The following DENND1B variants were observed in gnomAD, a reference collection of about 807,000 sequenced individuals.
DENND1B encodes DENN domain containing 1B.
DENND1B carries 59 observed loss-of-function variants against 90.1 expected under a neutral mutation model. The observed-to-expected ratio is 0.65, with a 90% CI of 0.53 to 0.81. DENND1B has a LOEUF of 0.81. Ranked by LOEUF, DENND1B falls within the 40% of genes least tolerant of loss-of-function variation. The probability of loss-of-function intolerance (pLI) is 0.00; values close to 1 mark genes in which losing one functional copy is unlikely to be tolerated. For synonymous variants in DENND1B, 337 were observed against 324.6 expected, an observed-to-expected ratio of 1.04 and a Z score of -0.41; for missense variants, 862 against 912.6, an observed-to-expected ratio of 0.94 and a Z score of 0.71.
chr1:197,546,358 G>C (rs1670817507), intron 17 of DENND1B, among the ~76,000 whole-genome samples: 1 of 152,068 alleles, frequency 6.6e-6, no homozygotes, highest in African/African-American at 2.4e-5. Context: ...GTCTCAGTCT[G>C]GGGGAGAAAG....
chr1:197,591,069 C>G (rs1054298001), intron 14 of DENND1B, among the ~76,000 whole-genome samples: 2 of 152,086 alleles, frequency 1.3e-5, no homozygotes, highest in African/African-American at 2.4e-5. Flanking sequence ...GAATCCTAAC[C>G]CTTTTTGGTT....
chr1:197,627,710 A>G (rs1200522865), intron 10 of DENND1B, among the ~76,000 whole-genome samples: 1 of 152,110 alleles, frequency 6.6e-6, no homozygotes, highest in African/African-American at 2.4e-5. Flanking sequence ...AATAAAGGGT[A>G]TTCAATTAGG....
At chr1:197,578,781 A>ATACCTATG (rs960156954) in intron 15 of DENND1B, among the ~76,000 whole-genome samples, 5 of 152,178 alleles carry the variant, frequency 3.3e-5, no homozygotes, top group Admixed American at 2.6e-4. Flanking sequence ...GTCTTTCCTT[A>ATACCTATG]TACCTATGTA....
intron 15 of DENND1B, among the ~76,000 whole-genome samples, chr1:197,578,882 G>C (rs1198867408): frequency 2.0e-5 from 3 of 151,362 alleles, no homozygotes; most frequent in Non-Finnish European, 4.4e-5. Flanking sequence ...TCCCTAGTTA[G>C]CCTCACATAG....
intron 10 of DENND1B, among the ~76,000 whole-genome samples, 167 bp from the exon 11 acceptor site, chr1:197,617,926 G>A (rs1331032271): frequency 6.6e-6 from 1 of 151,052 alleles, no homozygotes; most frequent in Admixed American, 6.6e-5. Flanking sequence ...CATCTCAGAG[G>A]CCCCTCTGAA....
chr1:197,680,351 A>G (rs1656554815), intron 3 of DENND1B, among the ~76,000 whole-genome samples: 2 of 152,252 alleles, frequency 1.3e-5, no homozygotes, highest in African/African-American at 4.8e-5. Flanking sequence ...AGATCATAAA[A>G]TAGAACACTC....
intron 16 of DENND1B, 32 bp downstream of exon 16, chr1:197,552,990 A>C: frequency 6.4e-7 from 1 of 1,562,252 alleles, no homozygotes. Flanking sequence ...GTTATTGAGA[A>C]AATGGATAAT....
intron 18 of DENND1B, among the ~76,000 whole-genome samples, chr1:197,542,842 G>C (rs140430002): frequency 6.6e-6 from 1 of 152,218 alleles, no homozygotes; most frequent in African/African-American, 2.4e-5. Context: ...TGATAAAAAA[G>C]TGATTAGGTA....
chr1:197,536,144 G>T (rs1041002899), intron 20 of DENND1B, among the ~76,000 whole-genome samples: 52 of 123,026 alleles, frequency 4.2e-4, no homozygotes, highest in African/African-American at 1.6e-3. Context: ...GAGATTGAGA[G>T]AGAGAGAGAG....
Position 197,510,367 on chromosome 1 carries a change from A to G in DENND1B, c.*93T>C, listed in dbSNP as rs930031363. 1.9e-5 allele frequency: 27 copies of G among 1,385,928 alleles called. No homozygotes were observed. The highest frequency in any genetic ancestry group is 2.3e-5 in the Non-Finnish European group (24 of 1,044,432). The allele number at this position is 1,385,928 out of a possible 1,614,324, so 85.9% of individuals were successfully genotyped here. A position where few individuals can be genotyped will look rare whatever the true frequency, so the allele number is the denominator to read the frequency against. ...GTTGCAAATGCAAAAAAAAATTTAA[A>G]TAGTATGAGTTGCCATTCCTACAAA... On this transcript the variant is annotated 3_prime_UTR_variant, in exon 23 of 23. Coordinates refer to ENST00000620048, the MANE Select transcript of DENND1B (RefSeq NM_001195215.2).
chr1:197,727,885 A>G (rs1308402759), intron 2 of DENND1B, among the ~76,000 whole-genome samples: 1 of 152,160 alleles, frequency 6.6e-6, no homozygotes, highest in East Asian at 1.9e-4. Flanking sequence ...CTTCCCTCCT[A>G]AAGTGTAAAC....
chr1:197,541,561 C>T (rs531820314), intron 18 of DENND1B, among the ~76,000 whole-genome samples: 5 of 152,288 alleles, frequency 3.3e-5, no homozygotes, highest in Admixed American at 2.0e-4. Flanking sequence ...TCACAGGGAA[C>T]CTGGCCCCAG....
intron 10 of DENND1B, among the ~76,000 whole-genome samples, chr1:197,639,020 T>C (rs1680041836): frequency 6.6e-6 from 1 of 152,048 alleles, no homozygotes; most frequent in Middle Eastern, 3.2e-3. Flanking sequence ...TATCTGTGCT[T>C]ACATATCTTA....
chr1:197,602,206 C>T (rs1047627656), intron 13 of DENND1B, among the ~76,000 whole-genome samples: 3 of 151,502 alleles, frequency 2.0e-5, no homozygotes, highest in Admixed American at 6.6e-5. Context: ...TGTAAACAGA[C>T]TTTAAAAGCA....
intron 10 of DENND1B, among the ~76,000 whole-genome samples, chr1:197,619,524 A>G (rs564487517): frequency 9.9e-5 from 15 of 151,334 alleles, no homozygotes; most frequent in Admixed American, 1.3e-4. Flanking sequence ...AAGCCTTAAA[A>G]ACAACAAAAA....
At chr1:197,695,978 T>C (rs1028022286) in intron 3 of DENND1B, among the ~76,000 whole-genome samples, 14 of 151,412 alleles carry the variant, frequency 9.2e-5, no homozygotes, top group Admixed American at 2.6e-4. Context: ...ATAAAAAAAT[T>C]GTTTACTAAT....
chr1:197,553,099 C>A lies in DENND1B; in HGVS notation c.1163G>T (p.Arg388Leu). ...LQLFKQFIDGRLAKLNAGRGF... is the reference protein window; with the variant it reads ...LQLFKQFIDGLLAKLNAGRGF... ...CCTTCCTGCATTTAGTTTTGCCAGT[C>A]GACCATCGATAAACTAGAATTAAAA... Residue 388 changes from arginine to leucine, a missense_variant, in exon 16 of 23, where the codon CGA becomes CTA. Transcript: ENST00000620048. The A allele has an allele frequency of 1.3e-6, 2 of 1,521,940 alleles. No individual in the cohort carries two copies. Among genetic ancestry groups the A allele is most frequent in the South Asian group, 1.3e-5 (1 of 74,672 alleles). The allele number at this position is 1,521,940 out of a possible 1,614,324, so 94.3% of individuals were successfully genotyped here.
intron 2 of DENND1B, chr1:197,735,061 A>G (rs561975507): frequency 1.0e-6 from 1 of 982,210 alleles, no homozygotes; most frequent in East Asian, 1.1e-4. Context: ...AATTTTAACA[A>G]AATTTAAAAG....
intron 20 of DENND1B, among the ~76,000 whole-genome samples, chr1:197,529,979 C>T (rs1571758375): frequency 6.6e-6 from 1 of 152,220 alleles, no homozygotes; most frequent in Non-Finnish European, 1.5e-5. Context: ...GTCATCTTTA[C>T]ACAAAAGGGA....
Sources: gnomAD v4.1 joint callset for allele counts (sites outside exome capture counted in the v4.1 genomes callset) on GRCh38, gnomAD v4.1.1 for gene constraint, MANE v1.5 for transcripts, NCBI Gene and HGNC (gene_info 2026-07-23, HGNC 2026-07-21) for gene names.